The following ARHGAP28 variants were observed in gnomAD, a reference collection of about 807,000 sequenced individuals.
ARHGAP28 encodes the protein rho GTPase-activating protein 28.
ARHGAP28 carries 56 observed loss-of-function variants against 90.7 expected under a neutral mutation model. The observed-to-expected ratio is 0.62, with a 90% CI of 0.50 to 0.77. ARHGAP28 has a LOEUF of 0.77. ARHGAP28 is among the 30% of genes least tolerant of loss of function. The pLI, the probability that ARHGAP28 is intolerant of heterozygous loss-of-function variation, is 0.00. For missense variants in ARHGAP28, 869 were observed against 900.9 expected (o/e 0.96, Z 0.45); for synonymous variants, 308 against 323.3 (o/e 0.95, Z 0.51).
At chr18:6,756,457 C>G (rs1313172143) in intron 1 of ARHGAP28, among the ~76,000 whole-genome samples, 1 of 152,122 alleles carries the variant, frequency 6.6e-6, no homozygotes, top group Non-Finnish European at 1.5e-5. Context: ...TCTTCCAAAC[C>G]TAATAAATGT....
At chr18:6,857,691 T>G (rs2056964633) in intron 4 of ARHGAP28, among the ~76,000 whole-genome samples, 1 of 152,150 alleles carries the variant, frequency 6.6e-6, no homozygotes, top group Non-Finnish European at 1.5e-5. Context: ...GGATTCACCC[T>G]ACGCCTTCAC....
At chr18:6,850,959 T>C in intron 3 of ARHGAP28, 75 bp from the exon 4 acceptor site, 3 of 1,584,238 alleles carry the variant, frequency 1.9e-6, no homozygotes, top group Non-Finnish European at 2.6e-6. Flanking sequence ...AACTCTAGTG[T>C]AATGCATGTG....
intron 1 of ARHGAP28, among the ~76,000 whole-genome samples, chr18:6,781,597 C>T (rs1186082254): frequency 6.6e-6 from 1 of 152,096 alleles, no homozygotes; most frequent in Non-Finnish European, 1.5e-5. Flanking sequence ...AGGCTGCTTC[C>T]TTAATCACAA....
At chr18:6,749,528 T>C (rs1039050436) in intron 1 of ARHGAP28, among the ~76,000 whole-genome samples, 2 of 152,324 alleles carry the variant, frequency 1.3e-5, no homozygotes, top group Non-Finnish European at 2.9e-5. Flanking sequence ...GTCTCCAATG[T>C]TCTAACATTT....
Position 6,775,364 on chromosome 18 carries a change from G to A in ARHGAP28, c.122+45421G>A, listed in dbSNP as rs566764555. ...TTTATCGTTTCCTTATTGTTCTTAA[G>A]TGTTTTTACTAGAGCATTTTGTAAT... On this transcript the variant is annotated intron_variant, in intron 1 of 17. Coordinates refer to ENST00000383472, the MANE Select transcript of ARHGAP28 (RefSeq NM_001366230.1). 2.0e-5 allele frequency among the ~76,000 whole-genome samples: 3 copies of A among 152,250 alleles called. No homozygotes were observed. The South Asian group carries it at 6.2e-4, about 32-fold the overall frequency.
In ARHGAP28 at chr18:6,840,504, T is replaced by C. The variant is rs142569011; in HGVS notation, c.543+3090T>C. On this transcript the variant is annotated intron_variant, in intron 3 of 17. Coordinates refer to ENST00000383472, the MANE Select transcript of ARHGAP28 (RefSeq NM_001366230.1). ...CATTTAGACCACGAAGGGAAAGATA[T>C]AGTGCTCAGTTCCTCAAAATGAAAT... 1.3e-3 allele frequency among the ~76,000 whole-genome samples: 192 copies of C among 152,318 alleles called. 1 individual carries two copies. The highest frequency in any genetic ancestry group is 4.4e-3 in the African/African-American group (183 of 41,560).
intron 12 of ARHGAP28, among the ~76,000 whole-genome samples, chr18:6,888,593 GA>G (rs1327083810): frequency 1.3e-5 from 2 of 152,072 alleles, no homozygotes; most frequent in Non-Finnish European, 2.9e-5. Flanking sequence ...TTCAAAAACT[GA>G]AAATTTATTA....
At chr18:6,818,411 G>A (rs564479294) in intron 1 of ARHGAP28, among the ~76,000 whole-genome samples, 3 of 152,296 alleles carry the variant, frequency 2.0e-5, no homozygotes, top group East Asian at 1.9e-4. Context: ...CTCCACTGAC[G>A]CTAGTCATTC....
At position 6,879,704 on chromosome 18, in the gene ARHGAP28, A is replaced by T. The variant is rs114653702; in HGVS notation, c.1291-2433A>T. Among the ~76,000 whole-genome samples, 546 of 152,370 alleles carry T rather than the reference A, an allele frequency of 3.6e-3. 5 individuals carry two copies. The highest frequency in any genetic ancestry group is 0.012 in the African/African-American group (509 of 41,588). ...CATAGTAATGACACTGCAGGTTAGA[A>T]TAGACCTGAGAGTGGGGGAGGGGCG... On this transcript the variant is annotated intron_variant, in intron 10 of 17. Transcript: ENST00000383472.
At chr18:6,840,117 T>C (rs895293518) in intron 3 of ARHGAP28, among the ~76,000 whole-genome samples, 3 of 152,172 alleles carry the variant, frequency 2.0e-5, no homozygotes, top group African/African-American at 7.2e-5. Context: ...GGTGGGAGAC[T>C]AGAAAAACTG....
chr18:6,883,076 T>A (rs1247395540), intron 11 of ARHGAP28, among the ~76,000 whole-genome samples: 1 of 152,090 alleles, frequency 6.6e-6, no homozygotes, highest in Non-Finnish European at 1.5e-5. Context: ...AAGTAAATGT[T>A]GATTCTACAT....
In ARHGAP28 at chr18:6,755,975, C is replaced by T. The variant is rs186106212; in HGVS notation, c.122+26032C>T. 2.2e-3 allele frequency among the ~76,000 whole-genome samples: 341 copies of T among 152,234 alleles called. 3 individuals are homozygous for T. The Middle Eastern group carries it at 0.027, about 12-fold the overall frequency. ...TCATCAGTATTGAAATAATCAACTCCGTTAGCTTTGAAAGAAACAAATCTA... is the reference window on the plus strand; with the variant it reads ...TCATCAGTATTGAAATAATCAACTCTGTTAGCTTTGAAAGAAACAAATCTA... On this transcript the variant is annotated intron_variant, in intron 1 of 17. Coordinates refer to ENST00000383472, the MANE Select transcript of ARHGAP28 (RefSeq NM_001366230.1).
chr18:6,883,088 G>T (rs950159760), intron 11 of ARHGAP28, among the ~76,000 whole-genome samples: 2 of 152,056 alleles, frequency 1.3e-5, no homozygotes, highest in Non-Finnish European at 2.9e-5. Flanking sequence ...ATTCTACATG[G>T]ACCAAAAAGG....
At chr18:6,763,284 C>T (rs1371599845) in intron 1 of ARHGAP28, among the ~76,000 whole-genome samples, 2 of 151,934 alleles carry the variant, frequency 1.3e-5, no homozygotes, top group African/African-American at 2.4e-5. Flanking sequence ...GGTTTCACCA[C>T]GTTGGCCAGG....
chr18:6,880,003 T>A (rs1418799997), intron 10 of ARHGAP28, among the ~76,000 whole-genome samples: 5 of 152,138 alleles, frequency 3.3e-5, no homozygotes, highest in Non-Finnish European at 7.4e-5. Flanking sequence ...CATTTGTGAT[T>A]CAGATAGATT....
At chr18:6,866,970 C>A (rs2057042524) in intron 5 of ARHGAP28, among the ~76,000 whole-genome samples, 2 of 152,202 alleles carry the variant, frequency 1.3e-5, no homozygotes, top group South Asian at 4.1e-4. Flanking sequence ...GTCCACATCT[C>A]TTTAAGGATT....
intron 4 of ARHGAP28, among the ~76,000 whole-genome samples, chr18:6,851,850 G>C (rs2056913069): frequency 6.6e-6 from 1 of 152,148 alleles, no homozygotes; most frequent in African/African-American, 2.4e-5. Context: ...CCTATAGTGG[G>C]GGAAAGATAA....
intron 1 of ARHGAP28, among the ~76,000 whole-genome samples, chr18:6,794,491 T>C (rs1014437140): frequency 3.3e-5 from 5 of 152,192 alleles, no homozygotes; most frequent in African/African-American, 1.2e-4. Flanking sequence ...CAATGCGCAT[T>C]ACTGCTCTAT....
rs776184577 is a variant in ARHGAP28 at position 6,870,962 on chromosome 18, G to T, written c.954+230G>T. On this transcript the variant is annotated intron_variant, in intron 7 of 17. Transcript: ENST00000383472. ...ACTACAGGCACCTGCCAACTTGCCCGGCTAATTTTTTGTATTTTTGGTAGA... is the reference window on the plus strand; with the variant it reads ...ACTACAGGCACCTGCCAACTTGCCCTGCTAATTTTTTGTATTTTTGGTAGA... Among the ~76,000 whole-genome samples the T allele has an allele frequency of 1.3e-5, 2 of 152,172 alleles. 1 individual carries two copies. The highest frequency in any genetic ancestry group is 4.1e-4 in the South Asian group (2 of 4,824).
Sources: gnomAD v4.1 joint callset for allele counts (sites outside exome capture counted in the v4.1 genomes callset) on GRCh38, gnomAD v4.1.1 for gene constraint, MANE v1.5 for transcripts, NCBI Gene and HGNC (gene_info 2026-07-23, HGNC 2026-07-21) for gene names.